NCOA7: variants seen among roughly 807,000 people sequenced by gnomAD.
The protein encoded by NCOA7 is 140 kDa estrogen receptor-associated protein.
In NCOA7, 45 loss-of-function variants were observed where a neutral mutation model predicts 104.3. That is an observed-to-expected ratio of 0.43 (90% CI 0.34 to 0.55). The LOEUF (loss-of-function observed/expected upper bound fraction) is 0.55, where lower values mean the gene tolerates loss of function less well. Ranked by LOEUF, NCOA7 falls within the 20% of genes least tolerant of loss-of-function variation. The pLI is 0.02. For synonymous variants in NCOA7, 398 were observed against 402.3 expected, an observed-to-expected ratio of 0.99 and a Z score of 0.13; for missense variants, 1,041 against 1,119.7, an observed-to-expected ratio of 0.93 and a Z score of 1.00.
At chr6:125,822,807 G>A (rs1369297730) in intron 2 of NCOA7, among the ~76,000 whole-genome samples, 1 of 151,692 alleles carries the variant, frequency 6.6e-6, no homozygotes, top group East Asian at 1.9e-4. Flanking sequence ...TGGTGGCACA[G>A]ACCTGTAATC....
chr6:125,892,652 C>T (rs554625118), intron 10 of NCOA7, among the ~76,000 whole-genome samples: 2 of 151,940 alleles, frequency 1.3e-5, no homozygotes, highest in African/African-American at 2.4e-5. Flanking sequence ...CCAGCCTGGG[C>T]GACAGAGTAA....
chr6:125,893,691 T>C (rs1382430744), intron 10 of NCOA7, among the ~76,000 whole-genome samples: 3 of 152,168 alleles, frequency 2.0e-5, no homozygotes, highest in Admixed American at 6.5e-5. Flanking sequence ...GGTGTTTTTT[T>C]CTGTGGCAAT....
chr6:125,835,573 G>A (rs1417588241), intron 2 of NCOA7, among the ~76,000 whole-genome samples: 4 of 152,172 alleles, frequency 2.6e-5, no homozygotes, highest in African/African-American at 4.8e-5. Context: ...TGCTAAGTCA[G>A]AATCTCTATT....
At chr6:125,901,115 A>G (rs1226839281) in intron 10 of NCOA7, among the ~76,000 whole-genome samples, 6 of 152,240 alleles carry the variant, frequency 3.9e-5, no homozygotes, top group Non-Finnish European at 7.3e-5. Flanking sequence ...AACTGCATGC[A>G]TATGCGTTTC....
intron 10 of NCOA7, among the ~76,000 whole-genome samples, chr6:125,891,631 C>T (rs1784631336): frequency 6.6e-6 from 1 of 152,190 alleles, no homozygotes; most frequent in African/African-American, 2.4e-5. Context: ...ACTCAGCAAG[C>T]TTCCATAGCA....
intron 2 of NCOA7, among the ~76,000 whole-genome samples, chr6:125,827,465 A>G (rs1349358250): frequency 1.3e-5 from 2 of 152,224 alleles, no homozygotes; most frequent in African/African-American, 4.8e-5. Context: ...ATATGTCATT[A>G]TAAATGGCTG....
At chr6:125,927,536 G>A in intron 13 of NCOA7, 127 bp from the exon 14 acceptor site, 1 of 698,842 alleles carries the variant, frequency 1.4e-6, no homozygotes, top group South Asian at 1.8e-5. Context: ...TTAAGTTTGA[G>A]TGCCAATTTA....
Position 125,878,344 on chromosome 6 carries a change from T to C in NCOA7, c.433T>C (p.Phe145Leu), listed in dbSNP as rs776532447. Residue 145 changes from phenylalanine to leucine, a missense_variant, in exon 5 of 16, where the codon TTC becomes CTC. This residue lies in a region of NCOA7 where 914 missense variants were observed against 942.7 expected (regional missense o/e 0.97). Transcript: ENST00000392477. ...PNKLVELNKL[F>L]THTIVPGQVL... ...TAAATTGGTGGAACTGAATAAACTTTTCACACATACTATTGTTCCAGGCCA... is the reference window on the plus strand; with the variant it reads ...TAAATTGGTGGAACTGAATAAACTTCTCACACATACTATTGTTCCAGGCCA... 2 of 1,612,060 alleles carry C rather than the reference T, an allele frequency of 1.2e-6. No homozygotes were observed. The highest frequency in any genetic ancestry group is 4.5e-5 in the East Asian group (2 of 44,688).
At chr6:125,841,543 A>C (rs1393230666) in intron 2 of NCOA7, among the ~76,000 whole-genome samples, 4 of 152,020 alleles carry the variant, frequency 2.6e-5, no homozygotes, top group Non-Finnish European at 5.9e-5. Flanking sequence ...TAAGAGCGTG[A>C]TCAAGACCGT....
upstream of NCOA7, chr6:125,786,263 AGG>A (rs1471502408): frequency 5.9e-5 from 9 of 152,354 alleles, no homozygotes; most frequent in East Asian, 1.7e-3. Context: ...AAAGAAGGAT[AGG>A]TTCACTAAAG....
chr6:125,832,986 G>A (rs1343622956), intron 2 of NCOA7, among the ~76,000 whole-genome samples: 1 of 152,146 alleles, frequency 6.6e-6, no homozygotes, highest in Non-Finnish European at 1.5e-5. Flanking sequence ...TTTCTCTCTG[G>A]AACTTCAGAA....
At chr6:125,897,574 T>C (rs1194590755) in intron 10 of NCOA7, among the ~76,000 whole-genome samples, 3 of 152,264 alleles carry the variant, frequency 2.0e-5, no homozygotes, top group Non-Finnish European at 4.4e-5. Context: ...TTTGATTTTA[T>C]GAGATTACTT....
intron 1 of NCOA7, among the ~76,000 whole-genome samples, chr6:125,797,089 C>G (rs981068894): frequency 6.6e-6 from 1 of 152,168 alleles, no homozygotes; most frequent in African/African-American, 2.4e-5. Flanking sequence ...TCCTCCCACT[C>G]TAGTTTTCTT....
At chr6:125,917,343 T>A (rs946099486) in intron 11 of NCOA7, among the ~76,000 whole-genome samples, 1 of 152,156 alleles carries the variant, frequency 6.6e-6, no homozygotes, top group Non-Finnish European at 1.5e-5. Context: ...CTCATCTACC[T>A]TCCTCATCAC....
Position 125,928,831 on chromosome 6 carries a change from G to T in NCOA7, c.*60G>T, listed in dbSNP as rs1305008409. 5.2e-6 allele frequency: 8 copies of T among 1,551,310 alleles called. No homozygotes were observed. The highest frequency in any genetic ancestry group is 6.1e-6 in the Non-Finnish European group (7 of 1,153,430). On this transcript the variant is annotated 3_prime_UTR_variant, in exon 16 of 16. Transcript: ENST00000392477. ...ACTGGGTTCGATCAGCCCTCCTAAA[G>T]CTGGCTGGAAAAAGAAGCCCCAGCC...
At chr6:125,791,098 C>G (rs1006486846) in intron 1 of NCOA7, 31 bp downstream of exon 1, 1 of 153,284 alleles carries the variant, frequency 6.5e-6, no homozygotes, top group South Asian at 2.1e-4. Context: ...CAGCCCTCGC[C>G]GCCGCCCGCC....
At chr6:125,802,598 A>G (rs1776006509) in intron 1 of NCOA7, among the ~76,000 whole-genome samples, 1 of 152,210 alleles carries the variant, frequency 6.6e-6, no homozygotes. Flanking sequence ...AGATGGGGTC[A>G]TATACTCTGT....
At position 125,919,357 on chromosome 6, in the gene NCOA7, A is replaced by G. The variant is rs754155900; in HGVS notation, c.2245-1586A>G. 11 of 1,612,718 alleles carry G rather than the reference A, an allele frequency of 6.8e-6. No homozygotes were observed. The African/African-American group carries it at 8.0e-5, about 12-fold the overall frequency. On this transcript the variant is annotated intron_variant, in intron 11 of 15. Transcript: ENST00000392477. ...AGAGCCACACTTCTCACTGCTCACAATGAGAGGCCAAAGATTACCCTTGGA... is the reference window on the plus strand; with the variant it reads ...AGAGCCACACTTCTCACTGCTCACAGTGAGAGGCCAAAGATTACCCTTGGA...
chr6:125,815,121 G>A, intron 1 of NCOA7, 170 bp from the exon 2 acceptor site: 7 of 342,166 alleles, frequency 2.0e-5, no homozygotes. Context: ...CATTCTGATT[G>A]TAGTTTCTCC....
Sources: gnomAD v4.1 joint callset for allele counts (sites outside exome capture counted in the v4.1 genomes callset) on GRCh38, gnomAD v4.1.1 for gene constraint, gnomAD v4.1.1 regional missense constraint, MANE v1.5 for transcripts, NCBI Gene and HGNC (gene_info 2026-07-23, HGNC 2026-07-21) for gene names.